COLEC10: variants seen among roughly 807,000 people sequenced by gnomAD.
The protein encoded by COLEC10 is collectin-10.
A neutral mutation model predicts 28.4 loss-of-function variants in COLEC10; 22 were observed. The ratio of observed to expected loss-of-function variants is 0.78; its 90% confidence interval spans 0.55 to 1.11. The LOEUF (loss-of-function observed/expected upper bound fraction) is 1.11. COLEC10 is among the 50% of genes least tolerant of loss of function. The pLI, the probability that COLEC10 is intolerant of heterozygous loss-of-function variation, is 0.00. For missense variants in COLEC10, 361 were observed against 344.1 expected, an observed-to-expected ratio of 1.05 and a Z score of -0.39; for synonymous variants, 125 against 116.1, an observed-to-expected ratio of 1.08 and a Z score of -0.49.
intron 1 of COLEC10, among the ~76,000 whole-genome samples, chr8:119,070,632 C>G (rs1189200302): frequency 6.7e-6 from 1 of 149,596 alleles, no homozygotes; most frequent in Non-Finnish European, 1.5e-5. Context: ...TCCCTCTTCC[C>G]CCATCTTGGT....
upstream of COLEC10, among the ~76,000 whole-genome samples, chr8:119,065,162 C>T (rs1260889203): frequency 1.3e-5 from 2 of 152,116 alleles, no homozygotes; most frequent in Non-Finnish European, 2.9e-5. Flanking sequence ...GTCCCCAGGC[C>T]ACGAACTGGT....
At chr8:119,096,569 C>T (rs541022975) in intron 3 of COLEC10, among the ~76,000 whole-genome samples, 15 of 151,772 alleles carry the variant, frequency 9.9e-5, no homozygotes, top group South Asian at 6.2e-4. Context: ...CCAGCTTGGG[C>T]GACAGAGTGA....
At chr8:119,029,815 T>A (rs1474566310) in intron 2 of COLEC10, among the ~76,000 whole-genome samples, 3 of 152,260 alleles carry the variant, frequency 2.0e-5, no homozygotes, top group African/African-American at 7.2e-5. Flanking sequence ...ACTTTAAGCA[T>A]TCTCCATGCC....
chr8:119,060,648 C>A (rs186412132), intron 2 of COLEC10, among the ~76,000 whole-genome samples: 9 of 152,180 alleles, frequency 5.9e-5, no homozygotes, highest in Admixed American at 5.2e-4. Flanking sequence ...TACACATCCC[C>A]TTAAACAAGG....
intron 3 of COLEC10, among the ~76,000 whole-genome samples, chr8:119,096,872 C>A (rs981033170): frequency 4.6e-5 from 7 of 151,936 alleles, no homozygotes; most frequent in Non-Finnish European, 8.8e-5. Context: ...AAATGACTGA[C>A]AATATCTAGT....
intron 2 of COLEC10, among the ~76,000 whole-genome samples, chr8:119,033,143 C>T (rs1814322387): frequency 6.6e-6 from 1 of 152,114 alleles, no homozygotes. Flanking sequence ...GGGCATGGGG[C>T]TGAACGTAAC....
chr8:119,106,216 A>C lies in COLEC10; in HGVS notation c.*25A>C. 7.6e-6 allele frequency: 12 copies of C among 1,572,678 alleles called. No individual in the cohort carries two copies. Among genetic ancestry groups the C allele is most frequent in the Non-Finnish European group, 1.0e-5 (12 of 1,155,412 alleles). On this transcript the variant is annotated 3_prime_UTR_variant, in exon 6 of 6. Transcript: ENST00000332843. ...ACTTCCCTCATCCTACGTATTTGCTATTTTCCTGTGACCGTCATTACAGTT... is the reference window on the plus strand; with the variant it reads ...ACTTCCCTCATCCTACGTATTTGCTCTTTTCCTGTGACCGTCATTACAGTT...
At chr8:119,002,955 A>G (rs1206534229) in intron 1 of COLEC10, among the ~76,000 whole-genome samples, 1 of 152,118 alleles carries the variant, frequency 6.6e-6, no homozygotes. Context: ...GGGTAGGAGA[A>G]TTCTTTACGT....
At chr8:119,017,805 C>T (rs1199745667) in intron 2 of COLEC10, among the ~76,000 whole-genome samples, 2 of 152,086 alleles carry the variant, frequency 1.3e-5, no homozygotes, top group East Asian at 1.9e-4. Flanking sequence ...AATCCTGGCC[C>T]ATAGTAGGAC....
rs745535629 is a variant in COLEC10, at chr8:119,102,405, C to T, written c.346+4C>T. 1.2e-4 allele frequency: 185 copies of T among 1,605,200 alleles called. No individual in the cohort carries two copies. Among genetic ancestry groups the T allele is most frequent in the Admixed American group, 3.4e-4 (20 of 59,476 alleles). Reference sequence around the variant, plus strand: ...CCTGGAGAAAAAGGCAAAGCAGGTACGATATGTTCAATGTTCTCTTTGATT... The same window carrying T: ...CCTGGAGAAAAAGGCAAAGCAGGTATGATATGTTCAATGTTCTCTTTGATT... On this transcript the variant is annotated splice_donor_region_variant and intron_variant, in intron 4 of 5. Coordinates refer to ENST00000332843, the MANE Select transcript of COLEC10 (RefSeq NM_006438.5).
At chr8:118,965,332 G>A in the COLEC10 span, among the ~76,000 whole-genome samples, 6 of 152,108 alleles carry the variant, frequency 3.9e-5, no homozygotes, top group African/African-American at 7.2e-5. Context: ...TTGTTCTTAC[G>A]TTTTTCCCTA....
At chr8:119,090,899 T>C (rs1456113563) in intron 2 of COLEC10, among the ~76,000 whole-genome samples, 1 of 152,246 alleles carries the variant, frequency 6.6e-6, no homozygotes, top group Non-Finnish European at 1.5e-5. Flanking sequence ...ATAGTCATTC[T>C]AGAAATACTA....
At chr8:119,053,162 T>C (rs1279690290) in intron 2 of COLEC10, among the ~76,000 whole-genome samples, 1 of 152,082 alleles carries the variant, frequency 6.6e-6, no homozygotes, top group Admixed American at 6.6e-5. Flanking sequence ...TGCATAAAAC[T>C]GCTTTATATT....
intron 2 of COLEC10, among the ~76,000 whole-genome samples, chr8:119,029,007 T>G (rs1360628645): frequency 6.6e-6 from 1 of 152,110 alleles, no homozygotes; most frequent in Non-Finnish European, 1.5e-5. Flanking sequence ...TCTACAGTCA[T>G]TAGGGAGATG....
chr8:119,008,825 G>T (rs1164191598), intron 1 of COLEC10, among the ~76,000 whole-genome samples: 1 of 150,934 alleles, frequency 6.6e-6, no homozygotes, highest in East Asian at 1.9e-4. Flanking sequence ...ATAAAATAGG[G>T]GTAACTACCC....
At chr8:118,960,676 T>G in the COLEC10 span, among the ~76,000 whole-genome samples, 1 of 150,442 alleles carries the variant, frequency 6.6e-6, no homozygotes, top group Non-Finnish European at 1.5e-5. Flanking sequence ...TCCCAGCTAC[T>G]CAGGAGGCTG....
At chr8:119,098,909 G>C (rs551189902) in intron 3 of COLEC10, among the ~76,000 whole-genome samples, 1 of 151,886 alleles carries the variant, frequency 6.6e-6, no homozygotes, top group South Asian at 2.1e-4. Context: ...CCTCATTTTG[G>C]TGATTGTCTT....
the COLEC10 span, among the ~76,000 whole-genome samples, chr8:118,977,493 C>A: frequency 1.4e-5 from 2 of 144,788 alleles, no homozygotes; most frequent in East Asian, 2.1e-4. Flanking sequence ...AGTAAACTAT[C>A]GCAAGAACAA....
At chr8:119,090,771 GAAGA>G (rs1563740919) in intron 2 of COLEC10, among the ~76,000 whole-genome samples, 3 of 152,110 alleles carry the variant, frequency 2.0e-5, no homozygotes, top group African/African-American at 7.2e-5. Context: ...TTAAAAGAGA[GAAGA>G]AATAGAATTC....
Sources: allele counts gnomAD v4.1 joint callset (sites outside exome capture counted in the v4.1 genomes callset), GRCh38; gene constraint gnomAD v4.1.1; transcripts MANE v1.5; gene names NCBI Gene and HGNC (gene_info 2026-07-23, HGNC 2026-07-21).